Variants in GLMN observed in about 807,000 individuals in gnomAD.
The protein encoded by GLMN is glomulin, FKBP associated protein.
In GLMN, 75 loss-of-function variants were observed where a neutral mutation model predicts 87.8. That is an observed-to-expected ratio of 0.85 (90% CI 0.71 to 1.04). The LOEUF (loss-of-function observed/expected upper bound fraction) is 1.04. GLMN is among the 50% of genes least tolerant of loss of function. GLMN has a pLI of 0.00. For synonymous variants in GLMN, 206 were observed against 221.6 expected (o/e 0.93, Z 0.63); for missense variants, 588 against 658.8 (o/e 0.89, Z 1.18).
chr1:92,360,397 C>T, the GLMN span, among the ~76,000 whole-genome samples: 4 of 152,082 alleles, frequency 2.6e-5, no homozygotes, highest in Non-Finnish European at 5.9e-5. Flanking sequence ...GGGCACTAGA[C>T]GGAGCAAATG....
the GLMN span, chr1:92,304,150 G>C: frequency 7.8e-7 from 1 of 1,285,216 alleles, no homozygotes; most frequent in Non-Finnish European, 1.1e-6. Flanking sequence ...GTAAGAATAA[G>C]AAATAAAACC....
the GLMN span, among the ~76,000 whole-genome samples, chr1:92,317,231 C>G: frequency 1.3e-5 from 2 of 152,058 alleles, no homozygotes; most frequent in South Asian, 2.1e-4. Context: ...GTTGAAGGCT[C>G]GGTGCGGTGG....
intron 7 of GLMN, among the ~76,000 whole-genome samples, chr1:92,282,546 A>G (rs1185044794): frequency 6.6e-6 from 1 of 152,242 alleles, no homozygotes; most frequent in African/African-American, 2.4e-5. Flanking sequence ...TTGACATCCT[A>G]ACATCACAAT....
At chr1:92,280,189 T>C (rs532191495) in intron 7 of GLMN, among the ~76,000 whole-genome samples, 3 of 152,306 alleles carry the variant, frequency 2.0e-5, no homozygotes, top group Admixed American at 6.5e-5. Context: ...CGTAGCGTGA[T>C]TGGGAAACAC....
At chr1:92,335,830 C>A in the GLMN span, among the ~76,000 whole-genome samples, 2 of 152,086 alleles carry the variant, frequency 1.3e-5, no homozygotes, top group South Asian at 4.1e-4. Context: ...ATTTCTGCAA[C>A]AAGCATATTT....
chr1:92,252,737 C>T (rs1012450279), intron 16 of GLMN, among the ~76,000 whole-genome samples: 1 of 151,748 alleles, frequency 6.6e-6, no homozygotes. Flanking sequence ...AAGAAAATCA[C>T]ATTTTAAGAT....
chr1:92,305,582 CA>C, the GLMN span, among the ~76,000 whole-genome samples: 29 of 142,028 alleles, frequency 2.0e-4, no homozygotes, highest in African/African-American at 5.2e-4. Flanking sequence ...TCAGAAGTTT[CA>C]AAAAAAAAAT....
chr1:92,326,753 C>A, the GLMN span, among the ~76,000 whole-genome samples: 1 of 152,192 alleles, frequency 6.6e-6, no homozygotes, highest in South Asian at 2.1e-4. Flanking sequence ...TGGTGGCAGG[C>A]CTCACCCAGC....
chr1:92,324,345 A>G, the GLMN span: 1 of 1,613,728 alleles, frequency 6.2e-7, no homozygotes, highest in Non-Finnish European at 8.5e-7. Flanking sequence ...TTTTGGGTGA[A>G]GAAACCACCA....
the GLMN span, among the ~76,000 whole-genome samples, chr1:92,316,579 G>A: frequency 3.3e-5 from 5 of 152,174 alleles, no homozygotes; most frequent in Admixed American, 3.3e-4. Flanking sequence ...AAAGTAAGAT[G>A]AAAATGTTTA....
chr1:92,335,514 A>G, the GLMN span, among the ~76,000 whole-genome samples: 2 of 152,182 alleles, frequency 1.3e-5, no homozygotes, highest in Admixed American at 1.3e-4. Context: ...TTTGATGTAT[A>G]TCCCTGACAT....
In GLMN at chr1:92,247,056, G is replaced by C; in HGVS notation, c.1668+6C>G. On this transcript the variant is annotated splice_donor_region_variant and intron_variant, in intron 18 of 18. Coordinates refer to ENST00000370360, the MANE Select transcript of GLMN (RefSeq NM_053274.3). ...AAAAAGGAAAGAAAAGAAAATTTCA[G>C]ATCACCTTAAGCTGCATTTCAGGAG... 1 of 1,434,414 alleles carries C rather than the reference G, an allele frequency of 7.0e-7. No homozygotes were observed. The highest frequency in any genetic ancestry group is 9.8e-7 in the Non-Finnish European group (1 of 1,018,446). The allele number at this position is 1,434,414 out of a possible 1,614,324, so 88.9% of individuals were successfully genotyped here.
At chr1:92,321,097 G>T in the GLMN span, among the ~76,000 whole-genome samples, 3 of 151,904 alleles carry the variant, frequency 2.0e-5, no homozygotes, top group Non-Finnish European at 4.4e-5. Context: ...TTGTTTGCCT[G>T]ACCATGGCCA....
upstream of GLMN, chr1:92,300,115 T>A (rs1208926373): frequency 1.0e-5 from 10 of 954,278 alleles, no homozygotes; most frequent in Non-Finnish European, 1.5e-5. Flanking sequence ...TATTTTAATC[T>A]TATGAGACCG....
chr1:92,267,355 A>G (rs1165596031), intron 11 of GLMN, among the ~76,000 whole-genome samples: 3 of 152,230 alleles, frequency 2.0e-5, no homozygotes, highest in African/African-American at 7.2e-5. Context: ...TGTGCTATCA[A>G]TAATGGTGGC....
rs370973526 is a variant in GLMN, at chr1:92,291,674, G to C, written c.166-137C>G. On this transcript the variant is annotated intron_variant, in intron 3 of 18. Coordinates refer to ENST00000370360, the MANE Select transcript of GLMN (RefSeq NM_053274.3). ...AAGTGAAGCCTATGACATTTCACCA[G>C]AGACTTTCCAGGGTTGGCTACTAAC... is the stretch of plus-strand genomic sequence containing the variant. 1.9e-5 allele frequency: 16 copies of C among 833,946 alleles called. No individual in the cohort carries two copies. The South Asian group carries it at 2.2e-4, about 11-fold the overall frequency. 51.7% of individuals were successfully genotyped at this position (833,946 alleles called of 1,614,324 possible). A position where few individuals can be genotyped will look rare whatever the true frequency, so the allele number is the denominator to read the frequency against.
intron 7 of GLMN, among the ~76,000 whole-genome samples, chr1:92,276,922 T>C (rs1241826215): frequency 1.3e-5 from 2 of 152,170 alleles, no homozygotes; most frequent in Non-Finnish European, 2.9e-5. Context: ...TTTCTGAATG[T>C]TTGTAAATTT....
chr1:92,352,185 G>A, the GLMN span, among the ~76,000 whole-genome samples: 100 of 152,216 alleles, frequency 6.6e-4, 1 homozygote, highest in Non-Finnish European at 1.1e-3. Context: ...ACTGTGGCCC[G>A]CTTCCTAGGC....
chr1:92,334,961 C>A, the GLMN span, among the ~76,000 whole-genome samples: 8 of 152,172 alleles, frequency 5.3e-5, no homozygotes, highest in African/African-American at 1.9e-4. Flanking sequence ...GCACTCCAGC[C>A]TGAGCAACAG....
Sources: allele counts gnomAD v4.1 joint callset (sites outside exome capture counted in the v4.1 genomes callset), GRCh38; gene constraint gnomAD v4.1.1; transcripts MANE v1.5; gene names NCBI Gene and HGNC (gene_info 2026-07-23, HGNC 2026-07-21).